The following KCTD1 variants were observed in gnomAD, a reference collection of about 807,000 sequenced individuals.
KCTD1 encodes the protein potassium channel tetramerization domain containing 1, also known as BTB/POZ domain-containing protein KCTD1.
In KCTD1, 24 loss-of-function variants were observed where a neutral mutation model predicts 66.0. That is an observed-to-expected ratio of 0.36 (90% CI 0.26 to 0.51). The LOEUF (loss-of-function observed/expected upper bound fraction) is 0.51, where lower values mean the gene tolerates loss of function less well. KCTD1 is among the 20% of genes least tolerant of loss of function. The probability of loss-of-function intolerance (pLI) is 0.95; values close to 1 mark genes in which losing one functional copy is unlikely to be tolerated. For missense variants in KCTD1, 943 were observed against 1,205.2 expected (o/e 0.78, Z 3.22); for synonymous variants, 511 against 517.2 (o/e 0.99, Z 0.16).
At chr18:26,584,841 GA>G (rs1486518346) in intron 1 of KCTD1, among the ~76,000 whole-genome samples, 4 of 152,154 alleles carry the variant, frequency 2.6e-5, no homozygotes, top group Non-Finnish European at 5.9e-5. Context: ...CAGATCAGGA[GA>G]AAAAGGGATA....
intron 1 of KCTD1, among the ~76,000 whole-genome samples, chr18:26,639,187 G>A (rs1245971394): frequency 2.0e-5 from 3 of 152,198 alleles, no homozygotes; most frequent in Non-Finnish European, 4.4e-5. Context: ...TTGAGCAGTA[G>A]TGAAGTCAGA....
At chr18:26,607,659 T>C (rs1024720926) in intron 1 of KCTD1, among the ~76,000 whole-genome samples, 3 of 152,230 alleles carry the variant, frequency 2.0e-5, no homozygotes, top group African/African-American at 7.2e-5. Flanking sequence ...TCTTTTTCCT[T>C]CTCATGTGTG....
At chr18:26,511,235 G>T (rs1441288740) in intron 1 of KCTD1, among the ~76,000 whole-genome samples, 1 of 152,100 alleles carries the variant, frequency 6.6e-6, no homozygotes, top group Non-Finnish European at 1.5e-5. Flanking sequence ...TAATTTTCTT[G>T]CCAGGGAGGA....
intron 1 of KCTD1, among the ~76,000 whole-genome samples, chr18:26,578,037 G>GCTTTT (rs1402618276): frequency 7.7e-5 from 11 of 142,402 alleles, no homozygotes; most frequent in South Asian, 4.4e-4. Context: ...TCTCCACCTT[G>GCTTTT]CTTTTCTTTT....
intron 1 of KCTD1, among the ~76,000 whole-genome samples, chr18:26,648,300 G>A (rs188403096): frequency 6.6e-6 from 1 of 152,134 alleles, no homozygotes; most frequent in African/African-American, 2.4e-5. Flanking sequence ...ATATCCAAGG[G>A]CTCCTGATGA....
intron 1 of KCTD1, among the ~76,000 whole-genome samples, chr18:26,651,506 G>A (rs932749917): frequency 6.6e-6 from 1 of 152,086 alleles, no homozygotes; most frequent in Non-Finnish European, 1.5e-5. Context: ...AAAGTTGGCC[G>A]AGTGTGGTGG....
At chr18:26,621,874 A>G (rs1317650744) in intron 1 of KCTD1, among the ~76,000 whole-genome samples, 2 of 152,222 alleles carry the variant, frequency 1.3e-5, no homozygotes, top group African/African-American at 4.8e-5. Flanking sequence ...TGGCCTCTGC[A>G]GGAGAGTTAA....
At chr18:26,650,104 A>C (rs1988002339) in intron 1 of KCTD1, among the ~76,000 whole-genome samples, 1 of 152,146 alleles carries the variant, frequency 6.6e-6, no homozygotes, top group African/African-American at 2.4e-5. Flanking sequence ...GCAAAACAGG[A>C]CCATCTTTGA....
At chr18:26,496,820 A>G (rs1053796763) in intron 2 of KCTD1, among the ~76,000 whole-genome samples, 44 of 152,086 alleles carry the variant, frequency 2.9e-4, no homozygotes, top group African/African-American at 1.0e-3. Flanking sequence ...ATTGAAAGCT[A>G]TTTTCTTTTG....
At chr18:26,526,594 G>A (rs932374449) in intron 1 of KCTD1, among the ~76,000 whole-genome samples, 3 of 152,184 alleles carry the variant, frequency 2.0e-5, no homozygotes, top group Admixed American at 6.5e-5. Flanking sequence ...ATAGAAATAT[G>A]GCAAAATCAG....
chr18:26,562,853 C>T (rs1156356251), intron 1 of KCTD1, among the ~76,000 whole-genome samples: 1 of 152,150 alleles, frequency 6.6e-6, no homozygotes, highest in Non-Finnish European at 1.5e-5. Context: ...ATGAACACAT[C>T]AGTTCTACCA....
chr18:26,518,009 C>T (rs1318234863), intron 1 of KCTD1, among the ~76,000 whole-genome samples: 1 of 152,168 alleles, frequency 6.6e-6, no homozygotes, highest in Non-Finnish European at 1.5e-5. Flanking sequence ...CTCAGAATCA[C>T]CCTAGGAAAT....
At chr18:26,493,532 G>A (rs540853610) in intron 2 of KCTD1, among the ~76,000 whole-genome samples, 1 of 152,052 alleles carries the variant, frequency 6.6e-6, no homozygotes, top group Non-Finnish European at 1.5e-5. Context: ...TAGATCTCAC[G>A]CTTCCATCTA....
intron 1 of KCTD1, among the ~76,000 whole-genome samples, chr18:26,546,225 T>TTAA (rs1985209009): frequency 7.0e-6 from 1 of 142,098 alleles, no homozygotes; most frequent in Non-Finnish European, 1.5e-5. Context: ...CCCTTTTCTT[T>TTAA]AAAAAAAAAA....
intron 3 of KCTD1, among the ~76,000 whole-genome samples, chr18:26,467,648 C>T (rs1364855462): frequency 6.6e-6 from 1 of 152,084 alleles, no homozygotes; most frequent in Non-Finnish European, 1.5e-5. Context: ...AAACCCATCT[C>T]TACTAAAAAT....
intron 1 of KCTD1, among the ~76,000 whole-genome samples, chr18:26,572,101 C>G (rs1373478151): frequency 2.6e-5 from 4 of 151,224 alleles, no homozygotes; most frequent in Non-Finnish European, 5.9e-5. Flanking sequence ...GCTCTGTTGC[C>G]CAGGCTGGAG....
intron 3 of KCTD1, among the ~76,000 whole-genome samples, chr18:26,460,451 G>A (rs1328306340): frequency 1.3e-5 from 2 of 152,212 alleles, no homozygotes; most frequent in Non-Finnish European, 2.9e-5. Flanking sequence ...ACAGGAGGGT[G>A]TGGGACAGAG....
At chr18:26,459,426 CTCA>C in intron 4 of KCTD1, 191 bp downstream of exon 4, 1 of 576,252 alleles carries the variant, frequency 1.7e-6, no homozygotes, top group Non-Finnish European at 3.0e-6. Context: ...ATCTCCAGTG[CTCA>C]TCCCAGCACC....
chr18:26,484,095 C>T (rs1981790436), intron 2 of KCTD1, among the ~76,000 whole-genome samples: 1 of 152,102 alleles, frequency 6.6e-6, no homozygotes. Context: ...CAGAAGTCTG[C>T]ATTATCATAA....
Sources: allele counts gnomAD v4.1 joint callset (sites outside exome capture counted in the v4.1 genomes callset), GRCh38; gene constraint gnomAD v4.1.1; transcripts MANE v1.5; gene names NCBI Gene and HGNC (gene_info 2026-07-23, HGNC 2026-07-21).